ANO2: variants seen among roughly 807,000 people sequenced by gnomAD.
ANO2 encodes the protein anoctamin-2.
ANO2 carries 101 observed loss-of-function variants against 124.2 expected under a neutral mutation model. That is an observed-to-expected ratio of 0.81 (90% CI 0.69 to 0.96). The LOEUF (loss-of-function observed/expected upper bound fraction) is 0.96, where lower values mean the gene tolerates loss of function less well. Ranked by LOEUF, ANO2 falls within the 40% of genes least tolerant of loss-of-function variation. The pLI, the probability that ANO2 is intolerant of heterozygous loss-of-function variation, is 0.00. For missense variants in ANO2, 1,293 were observed against 1,274.5 expected, an observed-to-expected ratio of 1.01 and a Z score of -0.22; for synonymous variants, 486 against 482.5, an observed-to-expected ratio of 1.01 and a Z score of -0.09.
intron 1 of ANO2, among the ~76,000 whole-genome samples, chr12:5,928,246 T>TGG (rs1273263904): frequency 6.6e-6 from 1 of 152,142 alleles, no homozygotes; most frequent in East Asian, 1.9e-4. Flanking sequence ...TCCTAACTCC[T>TGG]GGTGGCTGAA....
At chr12:5,736,899 T>C (rs1345078157) in intron 13 of ANO2, among the ~76,000 whole-genome samples, 1 of 152,148 alleles carries the variant, frequency 6.6e-6, no homozygotes, top group East Asian at 1.9e-4. Context: ...AGCCAACCAG[T>C]CTTCAAAACC....
At chr12:5,732,760 CCACACACAAT>C in intron 13 of ANO2, 130 bp from the exon 14 acceptor site, 1 of 1,556,970 alleles carries the variant, frequency 6.4e-7, no homozygotes, top group Non-Finnish European at 8.8e-7. Context: ...AACTGCCCCA[CCACACACAAT>C]CACAAGGCAT....
At chr12:5,678,704 T>C (rs1948361232) in intron 14 of ANO2, among the ~76,000 whole-genome samples, 1 of 152,222 alleles carries the variant, frequency 6.6e-6, no homozygotes, top group Non-Finnish European at 1.5e-5. Context: ...TCCTTGACTT[T>C]CTTTCTCCTT....
At chr12:5,762,306 A>C (rs1343153923) in intron 10 of ANO2, among the ~76,000 whole-genome samples, 1 of 151,994 alleles carries the variant, frequency 6.6e-6, no homozygotes, top group African/African-American at 2.4e-5. Context: ...TCTGTTAGTA[A>C]ATATTTCCTG....
At chr12:5,920,093 A>AT (rs995870169) in intron 3 of ANO2, among the ~76,000 whole-genome samples, 1 of 152,018 alleles carries the variant, frequency 6.6e-6, no homozygotes, top group Non-Finnish European at 1.5e-5. Context: ...GCATGCATGC[A>AT]TGCATGGGTG....
intron 10 of ANO2, among the ~76,000 whole-genome samples, chr12:5,763,693 T>C (rs1951800526): frequency 1.3e-5 from 2 of 152,136 alleles, no homozygotes; most frequent in Admixed American, 6.5e-5. Flanking sequence ...TGTAGGATAC[T>C]GTTAAAGCTA....
chr12:5,794,189 C>A (rs1952779936), intron 10 of ANO2, among the ~76,000 whole-genome samples: 1 of 152,212 alleles, frequency 6.6e-6, no homozygotes, highest in Admixed American at 6.5e-5. Context: ...TCCAGCTAAA[C>A]CCAACCATCA....
At chr12:5,741,320 C>T (rs1440223963) in intron 12 of ANO2, among the ~76,000 whole-genome samples, 1 of 152,194 alleles carries the variant, frequency 6.6e-6, no homozygotes, top group Non-Finnish European at 1.5e-5. Context: ...TTACTTGCAG[C>T]TACATTATGG....
At chr12:5,642,544 C>A (rs1265211932) in intron 15 of ANO2, among the ~76,000 whole-genome samples, 1 of 152,250 alleles carries the variant, frequency 6.6e-6, no homozygotes, top group African/African-American at 2.4e-5. Flanking sequence ...GGCCACCGCA[C>A]TTCTTGCATT....
intron 10 of ANO2, among the ~76,000 whole-genome samples, chr12:5,761,399 G>A (rs1029818874): frequency 6.6e-6 from 1 of 152,044 alleles, no homozygotes; most frequent in African/African-American, 2.4e-5. Context: ...AAGGGCAAAT[G>A]GCAATTTTTA....
chr12:5,649,748 G>A (rs1946820668), intron 14 of ANO2, among the ~76,000 whole-genome samples: 2 of 152,014 alleles, frequency 1.3e-5, no homozygotes, highest in South Asian at 4.1e-4. Context: ...GGGACTACAG[G>A]CACATGCCAC....
intron 16 of ANO2, among the ~76,000 whole-genome samples, chr12:5,617,333 C>A (rs1944869048): frequency 6.6e-6 from 1 of 151,890 alleles, no homozygotes; most frequent in South Asian, 2.1e-4. Flanking sequence ...ACCTCAAGCT[C>A]ACACCGTACC....
At chr12:5,687,311 A>T (rs1455129695) in intron 14 of ANO2, among the ~76,000 whole-genome samples, 1 of 152,236 alleles carries the variant, frequency 6.6e-6, no homozygotes, top group Non-Finnish European at 1.5e-5. Context: ...CCTGGTGAGA[A>T]AAGTAAGTAA....
rs1400653792 is a variant in ANO2 at position 5,578,024 on chromosome 12, A to G, written c.2387-17T>C. 3.1e-6 allele frequency: 5 copies of G among 1,613,156 alleles called. No homozygotes were observed. The highest frequency in any genetic ancestry group is 2.2e-5 in the East Asian group (1 of 44,848). Reference sequence around the variant, plus strand: ...ACCAGATTCCTACAAGACAGAAAAGACAGCGTCTGGCTCACTCCCGCCCTC... The same window carrying G: ...ACCAGATTCCTACAAGACAGAAAAGGCAGCGTCTGGCTCACTCCCGCCCTC... On this transcript the variant is annotated splice_polypyrimidine_tract_variant and intron_variant, in intron 21 of 24. Transcript: ENST00000682330.
At chr12:5,739,632 C>T (rs1175635218) in intron 12 of ANO2, among the ~76,000 whole-genome samples, 1 of 151,782 alleles carries the variant, frequency 6.6e-6, no homozygotes, top group Non-Finnish European at 1.5e-5. Flanking sequence ...CACACACACG[C>T]TCCTTTCTCC....
chr12:5,866,715 A>AG (rs1160065359), intron 3 of ANO2, among the ~76,000 whole-genome samples: 1 of 152,248 alleles, frequency 6.6e-6, no homozygotes, highest in African/African-American at 2.4e-5. Flanking sequence ...CTGGGGATCC[A>AG]GGGGGCTGAG....
At chr12:5,898,328 T>C (rs1344736243) in intron 3 of ANO2, among the ~76,000 whole-genome samples, 2 of 152,206 alleles carry the variant, frequency 1.3e-5, no homozygotes, top group Non-Finnish European at 2.9e-5. Context: ...CTTTGGAAAC[T>C]TTCCAATAGT....
intron 1 of ANO2, among the ~76,000 whole-genome samples, chr12:5,923,081 TAC>T (rs58095934): frequency 0.078 from 1,709 of 21,798 alleles, 272 homozygotes; most frequent in African/African-American, 0.18. Flanking sequence ...CATGCACACA[TAC>T]ACACACACAC....
At chr12:5,886,924 G>T (rs1938953697) in intron 3 of ANO2, among the ~76,000 whole-genome samples, 1 of 152,160 alleles carries the variant, frequency 6.6e-6, no homozygotes, top group Non-Finnish European at 1.5e-5. Flanking sequence ...GGTTTCCAAG[G>T]CTGGGTTGAG....
Sources: gnomAD v4.1 joint callset for allele counts (sites outside exome capture counted in the v4.1 genomes callset) on GRCh38, gnomAD v4.1.1 for gene constraint, MANE v1.5 for transcripts, NCBI Gene and HGNC (gene_info 2026-07-23, HGNC 2026-07-21) for gene names.